The following NBAS variants were observed in gnomAD, a reference collection of about 807,000 sequenced individuals.
NBAS encodes the protein NBAS subunit of NRZ tethering complex.
Under a neutral mutation model 302.5 loss-of-function variants are expected in NBAS, and 219 were observed. The observed-to-expected ratio is 0.72, with a 90% CI of 0.65 to 0.81. NBAS has a LOEUF of 0.81. NBAS is among the 30% of genes least tolerant of loss of function. The pLI, the probability that NBAS is intolerant of heterozygous loss-of-function variation, is 0.00. For missense variants in NBAS, 2,932 were observed against 2,841.6 expected, an observed-to-expected ratio of 1.03 and a Z score of -0.72; for synonymous variants, 1,118 against 1,021.6, an observed-to-expected ratio of 1.09 and a Z score of -1.80.
intron 51 of NBAS, among the ~76,000 whole-genome samples, chr2:15,177,671 CTTCTTACCAATTTCTT>C (rs1041619879): frequency 6.6e-5 from 10 of 152,150 alleles, no homozygotes; most frequent in Non-Finnish European, 1.0e-4. Context: ...GAAGTTTTCT[CTTCTTACCAATTTCTT>C]GGATTTATAA....
intron 50 of NBAS, among the ~76,000 whole-genome samples, chr2:15,184,890 A>G (rs1164802911): frequency 6.6e-6 from 1 of 152,212 alleles, no homozygotes; most frequent in African/African-American, 2.4e-5. Flanking sequence ...ATTTTAAAGA[A>G]CAAATAAACT....
chr2:14,876,660 G>T, the NBAS span, among the ~76,000 whole-genome samples: 1 of 152,136 alleles, frequency 6.6e-6, no homozygotes, highest in African/African-American at 2.4e-5. Context: ...CCAGAAGACT[G>T]GGCAAAGAAT....
chr2:15,331,204 G>A (rs999873648), intron 35 of NBAS, among the ~76,000 whole-genome samples: 1 of 152,142 alleles, frequency 6.6e-6, no homozygotes, highest in Non-Finnish European at 1.5e-5. Flanking sequence ...AGAACATTCA[G>A]ACAATCAACC....
At chr2:15,441,502 G>A (rs1376560367) in intron 21 of NBAS, among the ~76,000 whole-genome samples, 14 of 151,950 alleles carry the variant, frequency 9.2e-5, no homozygotes, top group African/African-American at 3.4e-4. Context: ...AGCTCCTGAA[G>A]GAAGCACTAA....
intron 12 of NBAS, among the ~76,000 whole-genome samples, chr2:15,478,667 C>T (rs1047265929): frequency 4.6e-5 from 7 of 152,118 alleles, no homozygotes; most frequent in Non-Finnish European, 8.8e-5. Context: ...CTGAGCAACC[C>T]CTCCAGGCTT....
At chr2:14,995,665 A>C in the NBAS span, among the ~76,000 whole-genome samples, 1 of 152,198 alleles carries the variant, frequency 6.6e-6, no homozygotes, top group Non-Finnish European at 1.5e-5. Context: ...TAGCCTGGAC[A>C]CATCAACATC....
chr2:14,970,710 G>A, the NBAS span, among the ~76,000 whole-genome samples: 1 of 152,290 alleles, frequency 6.6e-6, no homozygotes, highest in East Asian at 1.9e-4. Flanking sequence ...CTGGGACCAG[G>A]TGTGAAGACC....
intron 21 of NBAS, among the ~76,000 whole-genome samples, chr2:15,443,119 C>T (rs901294969): frequency 1.3e-5 from 2 of 152,068 alleles, no homozygotes; most frequent in African/African-American, 2.4e-5. Flanking sequence ...TTCCAATTAA[C>T]AGAAAAAGAG....
chr2:15,443,827 A>G (rs1352713471), intron 21 of NBAS, among the ~76,000 whole-genome samples: 2 of 152,144 alleles, frequency 1.3e-5, no homozygotes, highest in Non-Finnish European at 2.9e-5. Context: ...AAATCAATGT[A>G]CAAAAATCAC....
the NBAS span, among the ~76,000 whole-genome samples, chr2:14,935,664 A>G: frequency 6.6e-6 from 1 of 152,240 alleles, no homozygotes; most frequent in African/African-American, 2.4e-5. Flanking sequence ...AATGCCCATC[A>G]TAATGCATTA....
chr2:15,547,182 A>T (rs2052435), intron 6 of NBAS, among the ~76,000 whole-genome samples: 78,818 of 152,106 alleles, frequency 0.52, 23,410 homozygotes, highest in Non-Finnish European at 0.67. Flanking sequence ...TTTATAAAAC[A>T]ATAATTGAAA....
downstream of NBAS, among the ~76,000 whole-genome samples, chr2:15,163,797 CTT>C (rs34305039): frequency 1.5e-4 from 22 of 143,298 alleles, no homozygotes; most frequent in South Asian, 2.3e-4. Flanking sequence ...AGTATTACAA[CTT>C]TTTTTTTTTT....
intron 32 of NBAS, among the ~76,000 whole-genome samples, chr2:15,358,585 C>A (rs992331127): frequency 4.6e-5 from 7 of 152,174 alleles, no homozygotes; most frequent in Non-Finnish European, 2.9e-5. Context: ...ACTGGGCCTA[C>A]AGGGACATAC....
chr2:15,398,332 A>G lies in NBAS; in HGVS notation c.3072-1857T>C, dbSNP rs536352471. ...CTAATTTTTAAATTTTTTTGTAGAG[A>G]TGGGGTCTTCCTATGTTCCCCAGAC... On this transcript the variant is annotated intron_variant, in intron 26 of 51. Transcript: ENST00000281513. 2.0e-5 allele frequency among the ~76,000 whole-genome samples: 3 copies of G among 152,050 alleles called. No homozygotes were observed. The East Asian group carries it at 5.8e-4, about 29-fold the overall frequency.
chr2:15,442,159 A>G (rs1335686120), intron 21 of NBAS, among the ~76,000 whole-genome samples: 2 of 127,234 alleles, frequency 1.6e-5, no homozygotes, highest in South Asian at 5.3e-4. Flanking sequence ...AAGCGGACCT[A>G]ATAGACATCT....
intron 9 of NBAS, among the ~76,000 whole-genome samples, chr2:15,516,963 C>T (rs906208341): frequency 1.1e-4 from 17 of 152,230 alleles, no homozygotes; most frequent in Middle Eastern, 3.4e-3. Flanking sequence ...CTCTTAAAAA[C>T]TACTAGCGAG....
At chr2:15,009,227 C>G in the NBAS span, among the ~76,000 whole-genome samples, 1 of 152,108 alleles carries the variant, frequency 6.6e-6, no homozygotes, top group Non-Finnish European at 1.5e-5. Flanking sequence ...TAACCAGTCT[C>G]CAGCAATCCC....
chr2:14,817,602 A>G, the NBAS span, among the ~76,000 whole-genome samples: 2 of 152,228 alleles, frequency 1.3e-5, no homozygotes, highest in Non-Finnish European at 2.9e-5. Flanking sequence ...AAGGAGGTAG[A>G]GAGAAGGATT....
rs548650932 is a variant in NBAS, at chr2:15,497,658, A to C, written c.954+6487T>G. ...TGTCAAGTAAGCAGCAGGGTATACA[A>C]ATCTGAAGTGCAGAGGAGAACTGGG... On this transcript the variant is annotated intron_variant, in intron 11 of 51. Transcript: ENST00000281513. Among the ~76,000 whole-genome samples the C allele has an allele frequency of 4.6e-4, 70 of 152,294 alleles. 1 individual carries two copies. Among genetic ancestry groups the C allele is most frequent in the African/African-American group, 1.5e-3 (61 of 41,568 alleles).
Sources: allele counts gnomAD v4.1 joint callset (sites outside exome capture counted in the v4.1 genomes callset), GRCh38; gene constraint gnomAD v4.1.1; transcripts MANE v1.5; gene names NCBI Gene and HGNC (gene_info 2026-07-23, HGNC 2026-07-21).